The following SLIT2 variants were observed in gnomAD, a reference collection of about 807,000 sequenced individuals.
SLIT2 encodes the protein slit guidance ligand 2, also known as slit homolog 2 protein.
A neutral mutation model predicts 185.7 loss-of-function variants in SLIT2; 41 were observed. The observed-to-expected ratio is 0.22, with a 90% confidence interval of 0.17 to 0.29. SLIT2 has a LOEUF of 0.29. SLIT2 is among the 10% of genes least tolerant of loss of function. The probability of loss-of-function intolerance (pLI) is 1.00; values close to 1 mark genes in which losing one functional copy is unlikely to be tolerated. For missense variants in SLIT2, 1,571 were observed against 1,909.0 expected (o/e 0.82, Z 3.30); for synonymous variants, 693 against 680.2 (o/e 1.02, Z -0.29).
intron 4 of SLIT2, among the ~76,000 whole-genome samples, chr4:20,377,938 T>A (rs1260789784): frequency 2.6e-5 from 4 of 152,130 alleles, no homozygotes; most frequent in Non-Finnish European, 5.9e-5. Context: ...TATATTGAAA[T>A]CAATAATCAC....
At chr4:20,491,077 T>G (rs949415649) in intron 8 of SLIT2, among the ~76,000 whole-genome samples, 1 of 152,180 alleles carries the variant, frequency 6.6e-6, no homozygotes, top group Non-Finnish European at 1.5e-5. Context: ...TTCCAAATAT[T>G]GAGTAATAAA....
chr4:20,437,877 T>C (rs1372230427), intron 4 of SLIT2, among the ~76,000 whole-genome samples: 1 of 132,720 alleles, frequency 7.5e-6, no homozygotes, highest in Non-Finnish European at 1.5e-5. Flanking sequence ...ATCACGCCAC[T>C]GCACTCCAGC....
chr4:20,420,701 G>A (rs1002218134), intron 4 of SLIT2, among the ~76,000 whole-genome samples: 3 of 151,978 alleles, frequency 2.0e-5, no homozygotes, highest in Middle Eastern at 3.2e-3. Context: ...AAGAAAGGGA[G>A]GAAGAGATTC....
intron 4 of SLIT2, among the ~76,000 whole-genome samples, chr4:20,457,510 A>C (rs1318301346): frequency 1.3e-5 from 2 of 152,074 alleles, no homozygotes; most frequent in Non-Finnish European, 2.9e-5. Context: ...GATATTATAT[A>C]TATAAATTTA....
chr4:20,524,205 G>A (rs2148849768), intron 14 of SLIT2, 28 bp downstream of exon 14: 1 of 1,610,392 alleles, frequency 6.2e-7, no homozygotes, highest in South Asian at 1.1e-5. Flanking sequence ...TATTTCCCCT[G>A]TGACCAACAA....
At chr4:20,365,256 C>T (rs956702386) in intron 4 of SLIT2, among the ~76,000 whole-genome samples, 1 of 152,116 alleles carries the variant, frequency 6.6e-6, no homozygotes, top group African/African-American at 2.4e-5. Flanking sequence ...TATAACAGAA[C>T]ATACAACCCT....
At chr4:20,445,774 A>G (rs1711716057) in intron 4 of SLIT2, among the ~76,000 whole-genome samples, 2 of 152,186 alleles carry the variant, frequency 1.3e-5, no homozygotes, top group South Asian at 4.1e-4. Flanking sequence ...TTTTGATTCT[A>G]TAACATTAAG....
chr4:20,351,795 A>G (rs1271127123), intron 4 of SLIT2, among the ~76,000 whole-genome samples: 1 of 152,178 alleles, frequency 6.6e-6, no homozygotes, highest in East Asian at 1.9e-4. Flanking sequence ...GGGGTGCTGA[A>G]AAAGTCTCCT....
chr4:20,503,735 G>A (rs76600548), intron 9 of SLIT2, among the ~76,000 whole-genome samples: 13,983 of 152,114 alleles, frequency 0.092, 725 homozygotes, highest in Middle Eastern at 0.15. Flanking sequence ...AAAATGAGGC[G>A]TTTCTCTCCT....
intron 11 of SLIT2, among the ~76,000 whole-genome samples, chr4:20,518,043 C>T (rs895427186): frequency 8.1e-5 from 12 of 148,942 alleles, no homozygotes; most frequent in Non-Finnish European, 1.5e-4. Flanking sequence ...CATCTGCCAT[C>T]TAAATATGTT....
intron 30 of SLIT2, among the ~76,000 whole-genome samples, chr4:20,594,205 A>C (rs78324301): frequency 6.0e-5 from 9 of 149,308 alleles, no homozygotes; most frequent in African/African-American, 2.2e-4. Flanking sequence ...ATATGTATGT[A>C]TGTGTGTATA....
chr4:20,364,794 C>T (rs1722986631), intron 4 of SLIT2, among the ~76,000 whole-genome samples: 2 of 152,074 alleles, frequency 1.3e-5, no homozygotes, highest in South Asian at 4.1e-4. Context: ...ATTAAAGGCA[C>T]TAGAAGGTCA....
chr4:20,542,331 T>C (rs1722867979), intron 20 of SLIT2, among the ~76,000 whole-genome samples, 163 bp from the exon 21 acceptor site: 1 of 152,202 alleles, frequency 6.6e-6, no homozygotes, highest in Non-Finnish European at 1.5e-5. Context: ...CAGTGCTATA[T>C]AGAACTTACG....
chr4:20,369,675 A>G (rs1260826209), intron 4 of SLIT2, among the ~76,000 whole-genome samples: 1 of 152,070 alleles, frequency 6.6e-6, no homozygotes, highest in African/African-American at 2.4e-5. Context: ...CTCAGGGCAG[A>G]CAGAGTCACT....
At chr4:20,511,931 CAA>C (rs1254112156) in intron 11 of SLIT2, among the ~76,000 whole-genome samples, 1 of 151,468 alleles carries the variant, frequency 6.6e-6, no homozygotes, top group Non-Finnish European at 1.5e-5. Flanking sequence ...TCTCAAAGAA[CAA>C]AGATTTTAAA....
At chr4:20,389,373 C>A (rs1040006651) in intron 4 of SLIT2, among the ~76,000 whole-genome samples, 1 of 151,800 alleles carries the variant, frequency 6.6e-6, no homozygotes, top group South Asian at 2.1e-4. Flanking sequence ...CAGGAATTCC[C>A]AGACTCCACT....
chr4:20,277,612 A>G (rs1250487798), intron 4 of SLIT2, among the ~76,000 whole-genome samples: 2 of 151,470 alleles, frequency 1.3e-5, no homozygotes, highest in Non-Finnish European at 2.9e-5. Flanking sequence ...CTGTAGTTAC[A>G]TTGTTTAGAA....
intron 4 of SLIT2, among the ~76,000 whole-genome samples, chr4:20,326,130 G>A (rs1242667712): frequency 6.6e-6 from 1 of 152,220 alleles, no homozygotes; most frequent in East Asian, 1.9e-4. Flanking sequence ...AGCATAGAAA[G>A]TGAACTGCAT....
At chr4:20,474,785 C>T (rs190460699) in intron 5 of SLIT2, among the ~76,000 whole-genome samples, 78 of 152,046 alleles carry the variant, frequency 5.1e-4, no homozygotes, top group Middle Eastern at 3.4e-3. Context: ...AACAAGGTTG[C>T]CAGATTTTTT....
Sources: allele counts gnomAD v4.1 joint callset (sites outside exome capture counted in the v4.1 genomes callset), GRCh38; gene constraint gnomAD v4.1.1; transcripts MANE v1.5; gene names NCBI Gene and HGNC (gene_info 2026-07-23, HGNC 2026-07-21).